The following RAB38 variants were observed in gnomAD, a reference collection of about 807,000 sequenced individuals.
RAB38 encodes the protein ras-related protein Rab-38.
A neutral mutation model predicts 18.4 loss-of-function variants in RAB38; 15 were observed. That is an observed-to-expected ratio of 0.82 (90% CI 0.55 to 1.26). The LOEUF is 1.26. Among genes scored for constraint, RAB38 ranks in the 50% most tolerant of loss-of-function variants. The pLI is 0.00. For synonymous variants in RAB38, 101 were observed against 104.4 expected (o/e 0.97, Z 0.20); for missense variants, 294 against 267.4 (o/e 1.10, Z -0.69).
chr11:88,016,603 T>C, the RAB38 span, among the ~76,000 whole-genome samples: 69 of 152,066 alleles, frequency 4.5e-4, no homozygotes, highest in Non-Finnish European at 8.4e-4. Flanking sequence ...CTTCCTGAGA[T>C]GCCACAAGGG....
chr11:88,014,725 T>C, the RAB38 span, among the ~76,000 whole-genome samples: 1 of 152,244 alleles, frequency 6.6e-6, no homozygotes, highest in Non-Finnish European at 1.5e-5. Context: ...TGGGCCTTAT[T>C]ACCTGCATAC....
chr11:87,978,143 T>C, the RAB38 span, among the ~76,000 whole-genome samples: 29 of 84,654 alleles, frequency 3.4e-4, 1 homozygote, highest in African/African-American at 8.3e-4. Flanking sequence ...ATATATACAT[T>C]ATATATAAAT....
At chr11:87,890,721 A>ATAAG in the RAB38 span, among the ~76,000 whole-genome samples, 1 of 151,828 alleles carries the variant, frequency 6.6e-6, no homozygotes, top group Non-Finnish European at 1.5e-5. Flanking sequence ...GTGTTTTTGC[A>ATAAG]TAAGTTTCTC....
At chr11:87,934,839 G>A in the RAB38 span, among the ~76,000 whole-genome samples, 3 of 152,076 alleles carry the variant, frequency 2.0e-5, no homozygotes, top group Non-Finnish European at 4.4e-5. Flanking sequence ...GAATGTTAAG[G>A]TAACACTGAG....
chr11:88,112,035 G>A (rs1177402020), downstream of RAB38, among the ~76,000 whole-genome samples: 1 of 152,162 alleles, frequency 6.6e-6, no homozygotes, highest in African/African-American at 2.4e-5. Flanking sequence ...ATCAATGCCA[G>A]GTAGACTTGT....
At chr11:87,909,441 T>G in the RAB38 span, among the ~76,000 whole-genome samples, 2 of 151,886 alleles carry the variant, frequency 1.3e-5, no homozygotes, top group Non-Finnish European at 2.9e-5. Context: ...AGAATATTCT[T>G]TCTCTCTCTC....
At chr11:87,886,142 C>T in the RAB38 span, among the ~76,000 whole-genome samples, 1 of 151,954 alleles carries the variant, frequency 6.6e-6, no homozygotes, top group Non-Finnish European at 1.5e-5. Context: ...CGTGGGCTCC[C>T]AGATCTAAGG....
the RAB38 span, among the ~76,000 whole-genome samples, chr11:88,029,433 G>A: frequency 9.6e-4 from 146 of 152,102 alleles, no homozygotes; most frequent in Non-Finnish European, 1.5e-3. Flanking sequence ...ACACAGACTG[G>A]CAAATTGGAT....
chr11:87,843,052 A>G, the RAB38 span, among the ~76,000 whole-genome samples: 1 of 152,106 alleles, frequency 6.6e-6, no homozygotes, highest in Non-Finnish European at 1.5e-5. Context: ...CAGGGTCTAG[A>G]CATATTTTAT....
chr11:87,845,749 T>C, the RAB38 span, among the ~76,000 whole-genome samples: 3 of 152,090 alleles, frequency 2.0e-5, no homozygotes, highest in Middle Eastern at 3.2e-3. Context: ...ACAGACAAAC[T>C]GCTCAATTCA....
chr11:87,977,464 TATATATTACATATATAA>T, the RAB38 span, among the ~76,000 whole-genome samples: 44 of 48,948 alleles, frequency 9.0e-4, 2 homozygotes, highest in African/African-American at 4.3e-3. Flanking sequence ...ATAATATAAT[TATATATTACATATATAA>T]TTATATATAA....
At chr11:87,865,462 C>T in the RAB38 span, among the ~76,000 whole-genome samples, 3 of 151,742 alleles carry the variant, frequency 2.0e-5, no homozygotes, top group South Asian at 2.1e-4. Context: ...CTGGCTCATG[C>T]GTACCTAGAA....
At chr11:88,169,359 TTC>T (rs1943282054) in intron 1 of RAB38, among the ~76,000 whole-genome samples, 1 of 152,202 alleles carries the variant, frequency 6.6e-6, no homozygotes, top group Admixed American at 6.5e-5. Context: ...TGTTTTTCTT[TTC>T]TGTTTTCCAG....
chr11:88,025,548 T>C, the RAB38 span, among the ~76,000 whole-genome samples: 1 of 152,194 alleles, frequency 6.6e-6, no homozygotes, highest in African/African-American at 2.4e-5. Context: ...CTGTTGTTTT[T>C]TGACTTTTTA....
At chr11:88,053,710 C>A in the RAB38 span, among the ~76,000 whole-genome samples, 3 of 151,550 alleles carry the variant, frequency 2.0e-5, no homozygotes, top group African/African-American at 7.3e-5. Context: ...TTATCAAAAG[C>A]CTTGATACGC....
At chr11:87,943,162 T>G in the RAB38 span, among the ~76,000 whole-genome samples, 40 of 152,240 alleles carry the variant, frequency 2.6e-4, no homozygotes, top group Non-Finnish European at 5.7e-4. Flanking sequence ...AATTCAGCAT[T>G]TTTCCTATTT....
chr11:88,084,300 C>A, the RAB38 span, among the ~76,000 whole-genome samples: 1 of 151,364 alleles, frequency 6.6e-6, no homozygotes, highest in Non-Finnish European at 1.5e-5. Flanking sequence ...CATTGGAAAT[C>A]TGGGGCTAGA....
At chr11:87,906,663 A>G in the RAB38 span, among the ~76,000 whole-genome samples, 10,146 of 152,018 alleles carry the variant, frequency 0.067, 394 homozygotes, top group South Asian at 0.11. Flanking sequence ...TTATCTGCCT[A>G]TCACCTCAGA....
At chr11:87,808,425 G>C in the RAB38 span, among the ~76,000 whole-genome samples, 1 of 152,162 alleles carries the variant, frequency 6.6e-6, no homozygotes, top group African/African-American at 2.4e-5. Context: ...TGAACCTCAA[G>C]GATATTATGT....
Sources: allele counts gnomAD v4.1 joint callset (sites outside exome capture counted in the v4.1 genomes callset), GRCh38; gene constraint gnomAD v4.1.1; transcripts MANE v1.5; gene names NCBI Gene and HGNC (gene_info 2026-07-23, HGNC 2026-07-21).